NDUFB9: variants seen among roughly 807,000 people sequenced by gnomAD.
The protein encoded by NDUFB9 is NADH:ubiquinone oxidoreductase subunit B9.
A neutral mutation model predicts 30.2 loss-of-function variants in NDUFB9; 24 were observed. That is an observed-to-expected ratio of 0.80 (90% CI 0.58 to 1.12). NDUFB9 has a LOEUF of 1.12. Ranked by LOEUF, NDUFB9 falls within the 50% of genes most tolerant of loss-of-function variation. The pLI is 0.00. For missense variants in NDUFB9, 204 were observed against 226.0 expected (o/e 0.90, Z 0.62); for synonymous variants, 80 against 84.0 (o/e 0.95, Z 0.26).
At chr8:124,543,309 G>A in intron 2 of NDUFB9, 30 bp downstream of exon 2, 1 of 1,598,174 alleles carries the variant, frequency 6.3e-7, no homozygotes, top group Non-Finnish European at 8.6e-7. Flanking sequence ...ACTGCCTTCT[G>A]AGAAATAGAC....
intron 3 of NDUFB9, among the ~76,000 whole-genome samples, chr8:124,548,099 C>T (rs772205801): frequency 1.3e-5 from 2 of 152,110 alleles, no homozygotes; most frequent in Non-Finnish European, 2.9e-5. Flanking sequence ...GTCAGAGCAG[C>T]AATCGAGAAT....
At chr8:124,547,596 T>C (rs34684627) in intron 3 of NDUFB9, among the ~76,000 whole-genome samples, 13,958 of 152,152 alleles carry the variant, frequency 0.092, 822 homozygotes, top group Non-Finnish European at 0.13. Flanking sequence ...ATGAAGTGGA[T>C]ATGGAAGGAA....
intron 1 of NDUFB9, 100 bp from the exon 2 acceptor site, chr8:124,542,986 GC>G: frequency 7.9e-7 from 1 of 1,264,692 alleles, no homozygotes; most frequent in Non-Finnish European, 1.1e-6. Context: ...TAGGTCCACT[GC>G]CCATCCAGAA....
At chr8:124,549,116 C>T (rs568917912) in intron 3 of NDUFB9, among the ~76,000 whole-genome samples, 25 of 152,338 alleles carry the variant, frequency 1.6e-4, no homozygotes, top group Admixed American at 4.6e-4. Flanking sequence ...CACATCCCAT[C>T]ACTTCAACAC....
At position 124,549,828 on chromosome 8, in the gene NDUFB9, A is replaced by G. The variant is rs1047348445; in HGVS notation, c.476A>G (p.Lys159Arg). ...PLTEALPPAR[K>R]EGDLPPLWWY... is the part of the protein sequence containing the mutation. ...ACTGAAGCTTTGCCCCCTGCCCGAAAGGAAGGTGATTTGCCCCCACTGTGG... is the reference window on the plus strand; with the variant it reads ...ACTGAAGCTTTGCCCCCTGCCCGAAGGGAAGGTGATTTGCCCCCACTGTGG... Residue 159 changes from lysine (K) to arginine (R), a missense_variant, in exon 4 of 4, where the codon AAG becomes AGG. Transcript: ENST00000276689. The G allele has an allele frequency of 5.0e-6, 8 of 1,614,082 alleles. No homozygotes were observed. The highest frequency in any genetic ancestry group is 6.8e-6 in the Non-Finnish European group (8 of 1,180,040).
At chr8:124,546,956 A>T in intron 2 of NDUFB9, 44 bp from the exon 3 acceptor site, 1 of 1,380,572 alleles carries the variant, frequency 7.2e-7, no homozygotes, top group Non-Finnish European at 1.0e-6. Flanking sequence ...AGGGATAGGT[A>T]AATGTGTCCT....
intron 3 of NDUFB9, among the ~76,000 whole-genome samples, chr8:124,549,420 G>A (rs1822273484): frequency 6.6e-6 from 1 of 152,122 alleles, no homozygotes; most frequent in Admixed American, 6.5e-5. Context: ...CAGTGGGTGG[G>A]GGCTGTGACA....
At chr8:124,542,813 T>C (rs1379892768) in intron 1 of NDUFB9, 12 of 252,840 alleles carry the variant, frequency 4.7e-5, no homozygotes, top group South Asian at 1.8e-4. Context: ...TTTTCTTTTT[T>C]TTTTTTTTTT....
intron 2 of NDUFB9, among the ~76,000 whole-genome samples, chr8:124,543,686 C>T (rs1419232687): frequency 1.3e-5 from 2 of 152,146 alleles, no homozygotes; most frequent in African/African-American, 4.8e-5. Context: ...CACAAAAAAA[C>T]CATGCCCACA....
At chr8:124,547,948 G>A (rs765859865) in intron 3 of NDUFB9, among the ~76,000 whole-genome samples, 2 of 151,926 alleles carry the variant, frequency 1.3e-5, no homozygotes, top group African/African-American at 2.4e-5. Context: ...TCGCGCCACT[G>A]CATTCCAGCC....
Position 124,539,265 on chromosome 8 carries a change from C to G in NDUFB9, c.79C>G (p.Leu27Val), listed in dbSNP as rs987331242. Residue 27 changes from leucine to valine, a missense_variant, in exon 1 of 4, where the codon CTC (leucine) becomes GTC (valine). Coordinates refer to ENST00000276689, the MANE Select transcript of NDUFB9 (RefSeq NM_005005.3). Reference sequence around the variant, plus strand: ...GCTTTATAAGCGGGCGCTACGCCACCTCGAGTCGTGGTGCGTCCAGAGGTA... The same window carrying G: ...GCTTTATAAGCGGGCGCTACGCCACGTCGAGTCGTGGTGCGTCCAGAGGTA... The part of the protein sequence containing the change: ...LRLYKRALRH[L>V]ESWCVQRDKY... The G allele has an allele frequency of 2.5e-6, 4 of 1,614,212 alleles. No individual in the cohort carries two copies. Among genetic ancestry groups the G allele is most frequent in the Non-Finnish European group, 1.7e-6 (2 of 1,180,030 alleles).
At chr8:124,543,338 C>T (rs1822072775) in intron 2 of NDUFB9, 59 bp downstream of exon 2, 6 of 1,540,568 alleles carry the variant, frequency 3.9e-6, no homozygotes, top group Admixed American at 1.7e-5. Context: ...TTCAGTCCCA[C>T]ACCTCAGCCT....
Position 124,543,044 on chromosome 8 carries a change from G to A in NDUFB9, c.102-43G>A, listed in dbSNP as rs575789153. The A allele has an allele frequency of 1.0e-4, 160 of 1,599,432 alleles. 2 individuals are homozygous for A. The South Asian group carries it at 1.7e-3, about 17-fold the overall frequency. On this transcript the variant is annotated intron_variant, in intron 1 of 3. Transcript: ENST00000276689. ...TGTCAGACAGCAACACTGACCACGT[G>A]AGTAGGTAACATTTCTAATCTTCAA...
intron 3 of NDUFB9, 118 bp downstream of exon 3, chr8:124,547,231 GAT>G: frequency 1.3e-6 from 1 of 780,028 alleles, no homozygotes; most frequent in Non-Finnish European, 2.3e-6. Context: ...TTGCTTCTCA[GAT>G]ATACTTTAGT....
At chr8:124,549,671 A>T in intron 3 of NDUFB9, 90 bp from the exon 4 acceptor site, 2 of 1,211,170 alleles carry the variant, frequency 1.7e-6, no homozygotes, top group Non-Finnish European at 2.5e-6. Flanking sequence ...GACACACCAT[A>T]GACATAAAGC....
intron 3 of NDUFB9, among the ~76,000 whole-genome samples, chr8:124,549,441 G>C (rs1234088235): frequency 1.3e-5 from 2 of 152,058 alleles, no homozygotes; most frequent in Non-Finnish European, 2.9e-5. Flanking sequence ...AGGAGAATTG[G>C]AATGATAGTT....
At chr8:124,539,409 T>G (rs1254385095) in intron 1 of NDUFB9, 122 bp downstream of exon 1, 2 of 860,318 alleles carry the variant, frequency 2.3e-6, no homozygotes, top group South Asian at 1.4e-5. Context: ...GGCCTCTCGC[T>G]TCACAGAATC....
intron 3 of NDUFB9, among the ~76,000 whole-genome samples, chr8:124,549,027 G>A (rs1271768646): frequency 1.3e-5 from 2 of 152,254 alleles, no homozygotes; most frequent in African/African-American, 2.4e-5. Context: ...CCGTTTAGAA[G>A]CTTGAAGTAT....
At chr8:124,542,800 C>CTCTTT in intron 1 of NDUFB9, 1 of 374,564 alleles carries the variant, frequency 2.7e-6, no homozygotes, top group Non-Finnish European at 4.7e-6. Context: ...CTTGCGAATG[C>CTCTTT]TCTTTTCTTT....
Sources: allele counts gnomAD v4.1 joint callset (sites outside exome capture counted in the v4.1 genomes callset), GRCh38; gene constraint gnomAD v4.1.1; transcripts MANE v1.5; gene names NCBI Gene and HGNC (gene_info 2026-07-23, HGNC 2026-07-21).